PEX14: variants seen among roughly 807,000 people sequenced by gnomAD.
The protein encoded by PEX14 is peroxisomal membrane protein PEX14.
PEX14 carries 15 observed loss-of-function variants against 49.5 expected under a neutral mutation model. The ratio of observed to expected loss-of-function variants is 0.30; its 90% CI spans 0.20 to 0.47. The LOEUF is 0.47. Ranked by LOEUF, PEX14 falls within the 20% of genes least tolerant of loss-of-function variation. The probability of loss-of-function intolerance (pLI) is 1.00; values close to 1 mark genes in which losing one functional copy is unlikely to be tolerated. For missense variants in PEX14, 398 were observed against 494.8 expected (o/e 0.80, Z 1.86); for synonymous variants, 210 against 212.7 (o/e 0.99, Z 0.11).
At chr1:10,536,398 C>T in intron 3 of PEX14, 101 bp downstream of exon 3, 1 of 782,708 alleles carries the variant, frequency 1.3e-6, no homozygotes, top group Non-Finnish European at 2.3e-6. Flanking sequence ...GCCAGGACTT[C>T]CTAGAGCTGC....
chr1:10,611,028 CTTGAGGTCAGGAGT>C (rs1049848768), intron 4 of PEX14, among the ~76,000 whole-genome samples: 26 of 152,094 alleles, frequency 1.7e-4, no homozygotes, highest in Middle Eastern at 3.4e-3. Context: ...GGGTGGATCA[CTTGAGGTCAGGAGT>C]TTGAGGTCAG....
At chr1:10,605,927 G>A (rs187115293) in intron 4 of PEX14, among the ~76,000 whole-genome samples, 37 of 152,302 alleles carry the variant, frequency 2.4e-4, no homozygotes, top group Admixed American at 1.4e-3. Flanking sequence ...GCCACATGGG[G>A]GCTGAATAAA....
intron 4 of PEX14, among the ~76,000 whole-genome samples, chr1:10,617,276 A>AC (rs1331775720): frequency 6.6e-6 from 1 of 151,374 alleles, no homozygotes; most frequent in East Asian, 2.0e-4. Context: ...CACCTCGTGA[A>AC]CCCTTGCAGC....
chr1:10,624,284 A>AG, intron 6 of PEX14, 56 bp from the exon 7 acceptor site: 1 of 1,125,218 alleles, frequency 8.9e-7, no homozygotes, highest in Non-Finnish European at 1.4e-6. Flanking sequence ...GGACCGAGCG[A>AG]GGGGAACGTC....
chr1:10,577,556 A>AT (rs1557854839), intron 3 of PEX14, among the ~76,000 whole-genome samples: 1 of 5,896 alleles, frequency 1.7e-4, no homozygotes, highest in African/African-American at 3.7e-4. Flanking sequence ...ATATATATAT[A>AT]TATATATTTT....
At position 10,597,624 on chromosome 1, in the gene PEX14, A is replaced by G. The variant is rs190900014; in HGVS notation, c.170-1614A>G. On this transcript the variant is annotated intron_variant, in intron 3 of 8. Coordinates refer to ENST00000356607, the MANE Select transcript of PEX14 (RefSeq NM_004565.3). This position sits in a 1 kb window ranked among gnomAD's most constrained non-coding sequence, Gnocchi z 5.7. ...GTGATGCGCTGTGAACCCTGGAAGC[A>G]TTTTCATCCAGCCCACCAATCTGTT... 4.6e-5 allele frequency among the ~76,000 whole-genome samples: 7 copies of G among 152,230 alleles called. No individual in the cohort carries two copies. In the East Asian group the frequency reaches 1.3e-3, roughly 29 times the overall value.
intron 3 of PEX14, among the ~76,000 whole-genome samples, chr1:10,564,747 G>A (rs889539900): frequency 7.9e-5 from 12 of 151,770 alleles, no homozygotes; most frequent in African/African-American, 2.9e-4. Context: ...TGCCTTTTAA[G>A]TTTAGTTTTC....
At chr1:10,490,772 G>A (rs1263987853) in intron 1 of PEX14, among the ~76,000 whole-genome samples, 2 of 147,248 alleles carry the variant, frequency 1.4e-5, no homozygotes, top group Non-Finnish European at 3.0e-5. Flanking sequence ...TGTGATCACA[G>A]CTCACCACAG....
intron 2 of PEX14, among the ~76,000 whole-genome samples, chr1:10,510,169 C>T (rs1026265531): frequency 2.6e-5 from 4 of 152,338 alleles, no homozygotes; most frequent in South Asian, 2.1e-4. Flanking sequence ...TTGCATCACA[C>T]GGCTCCCTGG....
In PEX14 at chr1:10,629,970, G is replaced by A. The variant is rs1366551506; in HGVS notation, c.1117G>A (p.Glu373Lys). 3.7e-6 allele frequency: 6 copies of A among 1,610,204 alleles called. No individual in the cohort carries two copies. Among genetic ancestry groups the A allele is most frequent in the Admixed American group, 1.7e-5 (1 of 59,856 alleles). ...KLRRPEGASN[E>K]SERD ...GCGGCGGCCCGAGGGCGCCAGCAAC[G>A]AGAGTGAGCGGGACTAGGGCTGCGC... is the stretch of plus-strand genomic sequence containing the variant. The change falls in exon 9 of 9, where the codon GAG becomes AAG. Residue 373 changes from glutamate (E) to lysine (K), a missense_variant. Physicochemically the swap from Glu to Lys is moderately conservative, Grantham distance 56. Coordinates refer to ENST00000356607, the MANE Select transcript of PEX14 (RefSeq NM_004565.3). The surrounding 1 kb of genome is among the most constrained non-coding windows in gnomAD (Gnocchi z 8.5).
At chr1:10,574,008 A>G (rs932250953) in intron 3 of PEX14, among the ~76,000 whole-genome samples, 16 of 152,210 alleles carry the variant, frequency 1.1e-4, no homozygotes, top group African/African-American at 2.4e-5. Flanking sequence ...AGGCTGAGGC[A>G]GGATAATCGC....
intron 4 of PEX14, among the ~76,000 whole-genome samples, chr1:10,602,556 C>T (rs1420079400): frequency 2.6e-5 from 4 of 152,028 alleles, no homozygotes; most frequent in Non-Finnish European, 5.9e-5. Context: ...ATTTGACATG[C>T]GATTAGTTGC....
At chr1:10,478,886 C>T (rs545686090) in intron 1 of PEX14, among the ~76,000 whole-genome samples, 1 of 152,020 alleles carries the variant, frequency 6.6e-6, no homozygotes, top group East Asian at 1.9e-4. Context: ...GCTGGGACTA[C>T]AGGCACCTGC....
chr1:10,506,338 G>A (rs890335468), intron 2 of PEX14, among the ~76,000 whole-genome samples: 1 of 152,162 alleles, frequency 6.6e-6, no homozygotes, highest in African/African-American at 2.4e-5. Context: ...GGAGTGCAAT[G>A]GCATGATCTT....
In PEX14 at chr1:10,623,321, A is replaced by G; in HGVS notation, c.487+200A>G. 1.8e-6 allele frequency: 1 copy of G among 562,136 alleles called. No individual in the cohort carries two copies. The highest frequency in any genetic ancestry group is 3.2e-5 in the East Asian group (1 of 31,196). 34.8% of individuals were successfully genotyped at this position (562,136 alleles called of 1,614,324 possible). A position where few individuals can be genotyped will look rare whatever the true frequency, so the allele number is the denominator to read the frequency against. ...GCTTGTTTACTGTCGGCGCGGCCTCAATTAATTATGTTTTTACGGAAAGGC... is the reference window on the plus strand; with the variant it reads ...GCTTGTTTACTGTCGGCGCGGCCTCGATTAATTATGTTTTTACGGAAAGGC... On this transcript the variant is annotated intron_variant, in intron 6 of 8. Coordinates refer to ENST00000356607, the MANE Select transcript of PEX14 (RefSeq NM_004565.3). This position sits in a 1 kb window ranked among gnomAD's most constrained non-coding sequence, Gnocchi z 4.4.
chr1:10,608,952 TCTC>T (rs1641201410), intron 4 of PEX14, among the ~76,000 whole-genome samples: 1 of 152,118 alleles, frequency 6.6e-6, no homozygotes, highest in South Asian at 2.1e-4. Context: ...CAACCACTAA[TCTC>T]CTTTTCATCA....
At chr1:10,531,144 G>A (rs909276921) in intron 2 of PEX14, among the ~76,000 whole-genome samples, 2 of 152,166 alleles carry the variant, frequency 1.3e-5, no homozygotes, top group Admixed American at 6.5e-5. Flanking sequence ...CCCTGGATCC[G>A]AGAGTGCTCT....
intron 2 of PEX14, among the ~76,000 whole-genome samples, chr1:10,523,472 C>T (rs571940510): frequency 3.3e-5 from 5 of 152,082 alleles, no homozygotes; most frequent in Admixed American, 6.5e-5. Flanking sequence ...CAGGTATCAG[C>T]GACTGCCTCA....
chr1:10,512,362 CAT>C lies in PEX14; in HGVS notation c.84+17042_84+17043del, dbSNP rs1641899437. Among the ~76,000 whole-genome samples, 1 of 152,136 alleles carries C rather than the reference CAT, an allele frequency of 6.6e-6. No individual in the cohort carries two copies. The highest frequency in any genetic ancestry group is 2.4e-5 in the African/African-American group (1 of 41,416). On this transcript the variant is annotated intron_variant, in intron 2 of 8. Coordinates refer to ENST00000356607, the MANE Select transcript of PEX14 (RefSeq NM_004565.3). This position sits in a 1 kb window ranked among gnomAD's most constrained non-coding sequence, Gnocchi z 4.6. The stretch of plus-strand genomic sequence containing the variant: ...CTTGACTAAGTCACCTGATTGATGA[CAT>C]GAGCATTGCTGGGTGTTGAAACACC...
Sources: allele counts gnomAD v4.1 joint callset (sites outside exome capture counted in the v4.1 genomes callset), GRCh38; gene constraint gnomAD v4.1.1; non-coding constraint Gnocchi (gnomAD v3.1); transcripts MANE v1.5; gene names NCBI Gene and HGNC (gene_info 2026-07-23, HGNC 2026-07-21).